Variants in ATP8A2 observed in about 807,000 individuals in gnomAD.
The protein encoded by ATP8A2 is ATPase phospholipid transporting 8A2.
A neutral mutation model predicts 165.6 loss-of-function variants in ATP8A2; 100 were observed. The observed-to-expected ratio is 0.60, with a 90% CI of 0.51 to 0.71. ATP8A2 has a LOEUF of 0.71. Among genes scored for constraint, ATP8A2 ranks in the 30% least tolerant of loss-of-function variants. The pLI is 0.00. For missense variants in ATP8A2, 1,227 were observed against 1,479.5 expected (o/e 0.83, Z 2.80); for synonymous variants, 543 against 548.8 (o/e 0.99, Z 0.15).
intron 35 of ATP8A2, among the ~76,000 whole-genome samples, chr13:25,973,068 G>A (rs1359020629): frequency 6.6e-6 from 1 of 152,126 alleles, no homozygotes; most frequent in Non-Finnish European, 1.5e-5. Context: ...GGGTGGGGTG[G>A]GGTGAGCCCA....
chr13:25,832,864 GA>G (rs577764835), intron 28 of ATP8A2, among the ~76,000 whole-genome samples: 274 of 152,192 alleles, frequency 1.8e-3, no homozygotes, highest in African/African-American at 6.3e-3. Context: ...CAAATATTGG[GA>G]AAACAGTGAA....
chr13:25,955,835 C>G (rs1955505481), intron 33 of ATP8A2, among the ~76,000 whole-genome samples: 1 of 152,128 alleles, frequency 6.6e-6, no homozygotes, highest in Non-Finnish European at 1.5e-5. Flanking sequence ...CAAAAAATTT[C>G]AGGCCAATAT....
At chr13:25,773,088 C>G (rs2044661155) in intron 26 of ATP8A2, among the ~76,000 whole-genome samples, 1 of 152,144 alleles carries the variant, frequency 6.6e-6, no homozygotes, top group Non-Finnish European at 1.5e-5. Flanking sequence ...CCAAAGTCAT[C>G]TGAAATTAAT....
At chr13:25,574,102 A>G (rs906758946) in intron 18 of ATP8A2, among the ~76,000 whole-genome samples, 2 of 152,238 alleles carry the variant, frequency 1.3e-5, no homozygotes, top group Non-Finnish European at 2.9e-5. Context: ...TGAAAAGATT[A>G]GATTAAAAAT....
intron 24 of ATP8A2, among the ~76,000 whole-genome samples, chr13:25,647,893 T>C (rs1483681058): frequency 1.3e-5 from 2 of 152,198 alleles, no homozygotes; most frequent in South Asian, 2.1e-4. Context: ...TTCACCATGT[T>C]GGCCAGGCTG....
intron 24 of ATP8A2, among the ~76,000 whole-genome samples, chr13:25,642,747 T>C (rs2041562440): frequency 6.6e-6 from 1 of 152,220 alleles, no homozygotes; most frequent in African/African-American, 2.4e-5. Context: ...CCTGCTGCTA[T>C]AAAGACACAT....
At chr13:25,512,613 C>T (rs370416517) in intron 2 of ATP8A2, among the ~76,000 whole-genome samples, 7,353 of 145,504 alleles carry the variant, frequency 0.051, 270 homozygotes, top group South Asian at 0.12. Context: ...ACCTCCCGGA[C>T]GGGGAGGCTG....
intron 24 of ATP8A2, among the ~76,000 whole-genome samples, chr13:25,673,095 ACAGGACTCC>A (rs1273621207): frequency 3.3e-5 from 5 of 152,204 alleles, no homozygotes; most frequent in Admixed American, 3.3e-4. Flanking sequence ...ATTAAAAATC[ACAGGACTCC>A]CAGGCTAGCA....
At chr13:25,849,640 T>G (rs1209397554) in intron 30 of ATP8A2, among the ~76,000 whole-genome samples, 1 of 152,210 alleles carries the variant, frequency 6.6e-6, no homozygotes, top group Non-Finnish European at 1.5e-5. Flanking sequence ...GCTCATGTGG[T>G]TTTGTCCCAG....
At chr13:25,881,871 A>G (rs2138855386) in intron 33 of ATP8A2, among the ~76,000 whole-genome samples, 1 of 152,310 alleles carries the variant, frequency 6.6e-6, no homozygotes, top group Non-Finnish European at 1.5e-5. Context: ...ACTAAGCCCC[A>G]GGTAATTCAA....
intron 33 of ATP8A2, among the ~76,000 whole-genome samples, chr13:25,889,648 T>C (rs566900256): frequency 6.6e-6 from 1 of 151,994 alleles, no homozygotes; most frequent in Non-Finnish European, 1.5e-5. Flanking sequence ...TTCACGGTGG[T>C]CAGTCTCCAG....
chr13:25,654,506 C>T (rs898412522), intron 24 of ATP8A2, among the ~76,000 whole-genome samples: 4 of 152,130 alleles, frequency 2.6e-5, no homozygotes, highest in African/African-American at 9.7e-5. Context: ...TGTGCCCTGC[C>T]CTTGGTAGAG....
chr13:25,659,095 G>T (rs906248748), intron 24 of ATP8A2, among the ~76,000 whole-genome samples: 2 of 152,176 alleles, frequency 1.3e-5, no homozygotes, highest in African/African-American at 4.8e-5. Context: ...CTAAGAAATC[G>T]TCTCCCTCAG....
chr13:25,404,797 C>T (rs2033747957), intron 1 of ATP8A2, among the ~76,000 whole-genome samples: 1 of 151,880 alleles, frequency 6.6e-6, no homozygotes, highest in African/African-American at 2.4e-5. Context: ...GGGTGTGGTG[C>T]TGGAAGGTGA....
chr13:25,686,555 A>G (rs1417308818), intron 24 of ATP8A2, among the ~76,000 whole-genome samples: 1 of 152,032 alleles, frequency 6.6e-6, no homozygotes. Context: ...TGGGCTCAGA[A>G]CTCCCTGACA....
intron 33 of ATP8A2, among the ~76,000 whole-genome samples, chr13:25,892,699 C>G (rs1383718797): frequency 2.0e-5 from 3 of 152,080 alleles, no homozygotes; most frequent in Non-Finnish European, 4.4e-5. Context: ...GGGAGATGCT[C>G]CCTCCATCCC....
chr13:25,603,816 G>A (rs2040449627), intron 24 of ATP8A2, among the ~76,000 whole-genome samples: 1 of 152,164 alleles, frequency 6.6e-6, no homozygotes, highest in Admixed American at 6.5e-5. Context: ...GAGCAGGTAA[G>A]GTGGGGGAAT....
intron 33 of ATP8A2, among the ~76,000 whole-genome samples, chr13:25,952,147 G>A (rs1955384379): frequency 6.6e-6 from 1 of 152,190 alleles, no homozygotes; most frequent in Non-Finnish European, 1.5e-5. Flanking sequence ...AGTGCTAGTA[G>A]AATCATCTTC....
intron 25 of ATP8A2, among the ~76,000 whole-genome samples, chr13:25,736,338 T>G (rs2043768125): frequency 6.6e-6 from 1 of 152,212 alleles, no homozygotes; most frequent in African/African-American, 2.4e-5. Flanking sequence ...AGATTGAACT[T>G]ACTTTGTCAC....
Sources: gnomAD v4.1 joint callset for allele counts (sites outside exome capture counted in the v4.1 genomes callset) on GRCh38, gnomAD v4.1.1 for gene constraint, MANE v1.5 for transcripts, NCBI Gene and HGNC (gene_info 2026-07-23, HGNC 2026-07-21) for gene names.